CABP7: variants seen among roughly 807,000 people sequenced by gnomAD.
CABP7 encodes calcium-binding protein 7.
A neutral mutation model predicts 23.1 loss-of-function variants in CABP7; 13 were observed. That is an observed-to-expected ratio of 0.56 (90% confidence interval 0.37 to 0.90). The LOEUF is 0.90. Among genes scored for constraint, CABP7 ranks in the 40% least tolerant of loss-of-function variants. The pLI, the probability that CABP7 is intolerant of heterozygous loss-of-function variation, is 0.01. For missense variants in CABP7, 248 were observed against 295.6 expected (o/e 0.84, Z 1.18); for synonymous variants, 123 against 115.3 (o/e 1.07, Z -0.43).
Position 29,729,773 on chromosome 22 carries a change from C to T in CABP7, c.*204C>T. ...GGCTGTGGAGGGCCGGGTGGTGGCTCTGAGGATGGTCCCCAGCCCCACCCT... is the reference window on the plus strand; with the variant it reads ...GGCTGTGGAGGGCCGGGTGGTGGCTTTGAGGATGGTCCCCAGCCCCACCCT... On this transcript the variant is annotated 3_prime_UTR_variant, in exon 5 of 5. Transcript: ENST00000216144. The T allele has an allele frequency of 1.5e-6, 1 of 654,822 alleles. No individual in the cohort carries two copies. Among genetic ancestry groups the T allele is most frequent in the Non-Finnish European group, 2.6e-6 (1 of 388,670 alleles). 40.6% of individuals were successfully genotyped at this position (654,822 alleles called of 1,614,324 possible).
chr22:29,728,710 C>T lies in CABP7; in HGVS notation c.334C>T (p.His112Tyr). 2 of 1,613,576 alleles carry T rather than the reference C, an allele frequency of 1.2e-6. No homozygotes were observed. The highest frequency in any genetic ancestry group is 1.7e-6 in the Non-Finnish European group (2 of 1,179,772). ...LSTSGIPEKF[H>Y]GTDFDTVFWK... is the part of the protein sequence containing the mutation. Reference sequence around the variant, plus strand: ...CACCTCAGGGATCCCAGAGAAGTTCCATGGCACCGACTTTGATACTGTCTT... The same window carrying T: ...CACCTCAGGGATCCCAGAGAAGTTCTATGGCACCGACTTTGATACTGTCTT... Residue 112 changes from histidine (H) to tyrosine (Y), a missense_variant, in exon 3 of 5, where the codon CAT becomes TAT. Transcript: ENST00000216144.
intron 2 of CABP7, 110 bp from the exon 3 acceptor site, chr22:29,728,520 G>A: frequency 1.5e-6 from 1 of 672,988 alleles, no homozygotes; most frequent in East Asian, 2.6e-5. Context: ...ACCTGCCTAA[G>A]GCCACCCGGT....
rs371763480 is a variant in CABP7, at chr22:29,722,022, C to T, written c.109+1489C>T. 1.0e-3 allele frequency among the ~76,000 whole-genome samples: 153 copies of T among 152,286 alleles called. 2 individuals carry two copies. The South Asian group carries it at 0.016, about 15-fold the overall frequency. On this transcript the variant is annotated intron_variant, in intron 1 of 4. Transcript: ENST00000216144. ...CCTCCCCACCTTTGTCCCCTCCGGC[C>T]CTGGGCCACCTCAAACCTCCTGCAG...
intron 1 of CABP7, among the ~76,000 whole-genome samples, chr22:29,721,564 G>A (rs1053183147): frequency 1.3e-5 from 2 of 152,154 alleles, no homozygotes; most frequent in Non-Finnish European, 2.9e-5. Flanking sequence ...TCTGAGATCT[G>A]GAGGCTCATT....
Position 29,727,990 on chromosome 22 carries a change from G to C in CABP7, c.253+185G>C, listed in dbSNP as rs1347905736. Among the ~76,000 whole-genome samples the C allele has an allele frequency of 6.6e-6, 1 of 152,230 alleles. No individual in the cohort carries two copies. Among genetic ancestry groups the C allele is most frequent in the African/African-American group, 2.4e-5 (1 of 41,452 alleles). The stretch of plus-strand genomic sequence containing the variant: ...CCATTTCTCAGCCTGGAGAATTGAG[G>C]CCAGAGAGGTAGTGACAGTCCCAGC... On this transcript the variant is annotated intron_variant, in intron 2 of 4. Coordinates refer to ENST00000216144, the MANE Select transcript of CABP7 (RefSeq NM_182527.3). This position sits in a 1 kb window ranked among gnomAD's most constrained non-coding sequence, Gnocchi z 4.2.
chr22:29,727,780 C>T lies in CABP7; in HGVS notation c.228C>T (p.Val76=). Residue 76 remains valine, a synonymous_variant, in exon 2 of 5, where the codon GTC becomes GTT. Coordinates refer to ENST00000216144, the MANE Select transcript of CABP7 (RefSeq NM_182527.3). The surrounding 1 kb of genome is among the most constrained non-coding windows in gnomAD (Gnocchi z 4.2). The part of the protein sequence containing the change: ...GYMPNEVELE[V]IIQRLDMDGD... ...TGCCCAACGAGGTGGAGCTGGAGGTCATCATCCAGCGGCTGGACATGGATG... is the reference window on the plus strand; with the variant it reads ...TGCCCAACGAGGTGGAGCTGGAGGTTATCATCCAGCGGCTGGACATGGATG... The T allele has an allele frequency of 2.5e-6, 4 of 1,611,462 alleles. No individual in the cohort carries two copies. The highest frequency in any genetic ancestry group is 3.4e-6 in the Non-Finnish European group (4 of 1,178,748).
intron 1 of CABP7, among the ~76,000 whole-genome samples, chr22:29,725,068 T>C (rs994017134): frequency 1.3e-5 from 2 of 151,892 alleles, no homozygotes; most frequent in Admixed American, 1.3e-4. Flanking sequence ...CCCTGACATC[T>C]CCCAGGCAGG....
chr22:29,728,024 GGGCTCAGAGAT>G (rs2067809138), intron 2 of CABP7, among the ~76,000 whole-genome samples: 1 of 152,214 alleles, frequency 6.6e-6, no homozygotes. Context: ...GCCACATGCA[GGGCTCAGAGAT>G]GGCTCCTTTC....
In CABP7 at chr22:29,731,563, C is replaced by T. The variant is rs971215710; in HGVS notation, c.*1994C>T. Reference sequence around the variant, plus strand: ...TGAGCCCAAGGAAATAGCGGGGTTGCAGGCAGACATTGAGCTGCGAGACAA... The same window carrying T: ...TGAGCCCAAGGAAATAGCGGGGTTGTAGGCAGACATTGAGCTGCGAGACAA... On this transcript the variant is annotated 3_prime_UTR_variant, in exon 5 of 5. Transcript: ENST00000216144. 4 of 554,536 alleles carry T rather than the reference C, an allele frequency of 7.2e-6. No homozygotes were observed. Among genetic ancestry groups the T allele is most frequent in the Non-Finnish European group, 9.0e-6 (3 of 334,698 alleles). 34.4% of individuals were successfully genotyped at this position (554,536 alleles called of 1,614,324 possible).
In CABP7 at chr22:29,727,863, A is replaced by C. The variant is rs538992519; in HGVS notation, c.253+58A>C. 1.9e-4 allele frequency: 304 copies of C among 1,568,226 alleles called. 1 individual carries two copies. The East Asian group carries it at 6.9e-3, about 35-fold the overall frequency. ...GGCATCTGGGCCCTGGGGGTGGGGC[A>C]GGGGCTGGGGCCTGAGCTGCTGAGG... On this transcript the variant is annotated intron_variant, in intron 2 of 4. Transcript: ENST00000216144. The surrounding 1 kb of genome is among the most constrained non-coding windows in gnomAD (Gnocchi z 4.2).
At position 29,727,424 on chromosome 22, in the gene CABP7, C is replaced by T. The variant is rs1250685854; in HGVS notation, c.110-238C>T. ...GTGAGAGCCTGGCGCAATCAGATCC[C>T]AAGAGGTCACTGCTGGGGGGCCTTG... On this transcript the variant is annotated intron_variant, in intron 1 of 4. Transcript: ENST00000216144. This position sits in a 1 kb window ranked among gnomAD's most constrained non-coding sequence, Gnocchi z 4.2. 6.6e-6 allele frequency among the ~76,000 whole-genome samples: 1 copy of T among 152,204 alleles called. No individual in the cohort carries two copies. The highest frequency in any genetic ancestry group is 1.5e-5 in the Non-Finnish European group (1 of 68,040).
At chr22:29,725,223 G>A (rs1338792014) in intron 1 of CABP7, among the ~76,000 whole-genome samples, 2 of 152,120 alleles carry the variant, frequency 1.3e-5, no homozygotes, top group Admixed American at 6.5e-5. Flanking sequence ...TGGCATCCTT[G>A]GGGGCTGGAA....
Position 29,727,594 on chromosome 22 carries a change from T to A in CABP7, c.110-68T>A, listed in dbSNP as rs2067804986. The A allele has an allele frequency of 6.3e-7, 1 of 1,596,968 alleles. No homozygotes were observed. The highest frequency in any genetic ancestry group is 1.7e-5 in the Admixed American group (1 of 59,288). Reference sequence around the variant, plus strand: ...GCTCAGGCTGCAGGGTCGGTGATCCTGGGGGTCTGGAAAGGGGGTCTGTTG... The same window carrying A: ...GCTCAGGCTGCAGGGTCGGTGATCCAGGGGGTCTGGAAAGGGGGTCTGTTG... On this transcript the variant is annotated intron_variant, in intron 1 of 4. Transcript: ENST00000216144. The surrounding 1 kb of genome is among the most constrained non-coding windows in gnomAD (Gnocchi z 4.2).
intron 1 of CABP7, among the ~76,000 whole-genome samples, chr22:29,724,816 C>T (rs2067784070): frequency 6.6e-6 from 1 of 152,222 alleles, no homozygotes; most frequent in Admixed American, 6.5e-5. Flanking sequence ...GCAGGGCTGC[C>T]TCCCAGCTTA....
chr22:29,731,211 C>G lies in CABP7; in HGVS notation c.*1642C>G. ...GAAAAGTGACCACGTGGGGGTCAGT[C>G]GGGGGCAAGGGGCTCAGCCCCACTG... On this transcript the variant is annotated 3_prime_UTR_variant, in exon 5 of 5. Coordinates refer to ENST00000216144, the MANE Select transcript of CABP7 (RefSeq NM_182527.3). 5 of 1,485,854 alleles carry G rather than the reference C, an allele frequency of 3.4e-6. No homozygotes were observed. The highest frequency in any genetic ancestry group is 4.4e-6 in the Non-Finnish European group (5 of 1,127,678). 92.0% of individuals were successfully genotyped at this position (1,485,854 alleles called of 1,614,324 possible).
intron 1 of CABP7, among the ~76,000 whole-genome samples, chr22:29,722,990 A>G (rs980926373): frequency 6.6e-6 from 1 of 152,208 alleles, no homozygotes; most frequent in Non-Finnish European, 1.5e-5. Flanking sequence ...CCTTCAGCTC[A>G]TGGAGTGACC....
chr22:29,728,108 C>T (rs1189234471), intron 2 of CABP7, among the ~76,000 whole-genome samples: 1 of 152,188 alleles, frequency 6.6e-6, no homozygotes, highest in Non-Finnish European at 1.5e-5. Context: ...ACTCCAGTTC[C>T]CACCACCTGA....
intron 1 of CABP7, among the ~76,000 whole-genome samples, chr22:29,724,842 T>G (rs1569330212): frequency 6.6e-6 from 1 of 152,160 alleles, no homozygotes; most frequent in African/African-American, 2.4e-5. Flanking sequence ...TGCCCGTGCA[T>G]CCCAATATTC....
Position 29,720,472 on chromosome 22 carries a change from C to T in CABP7, c.48C>T (p.Tyr16=). ...CGGCGTTGATGTACCGGGGCATCTACACCGTGCCCAACCTGCTGTCGGAGC... is the reference window on the plus strand; with the variant it reads ...CGGCGTTGATGTACCGGGGCATCTATACCGTGCCCAACCTGCTGTCGGAGC... The part of the protein sequence containing the change: ...VTAALMYRGI[Y]TVPNLLSEQR... Residue 16 remains tyrosine (Y), a synonymous_variant, in exon 1 of 5, where the codon TAC becomes TAT. Coordinates refer to ENST00000216144, the MANE Select transcript of CABP7 (RefSeq NM_182527.3). This position sits in a 1 kb window ranked among gnomAD's most constrained non-coding sequence, Gnocchi z 5.2. 1 of 1,564,752 alleles carries T rather than the reference C, an allele frequency of 6.4e-7. No individual in the cohort carries two copies. The highest frequency in any genetic ancestry group is 1.4e-5 in the African/African-American group (1 of 70,882).
Sources: allele counts gnomAD v4.1 joint callset (sites outside exome capture counted in the v4.1 genomes callset), GRCh38; gene constraint gnomAD v4.1.1; non-coding constraint Gnocchi (gnomAD v3.1); transcripts MANE v1.5; gene names NCBI Gene and HGNC (gene_info 2026-07-23, HGNC 2026-07-21).